Variants in HDAC1 observed in about 807,000 individuals in gnomAD.
HDAC1 encodes the protein protein deacetylase HDAC1.
HDAC1 carries 18 observed loss-of-function variants against 65.5 expected under a neutral mutation model. The observed-to-expected ratio is 0.27, with a 90% CI of 0.19 to 0.41. HDAC1 has a LOEUF of 0.41. HDAC1 is among the 10% of genes least tolerant of loss of function. The pLI, the probability that HDAC1 is intolerant of heterozygous loss-of-function variation, is 1.00. For missense variants in HDAC1, 373 were observed against 625.2 expected, an observed-to-expected ratio of 0.60 and a Z score of 4.30; for synonymous variants, 211 against 227.9, an observed-to-expected ratio of 0.93 and a Z score of 0.67.
chr1:32,311,177 T>G (rs1570016276), intron 2 of HDAC1, among the ~76,000 whole-genome samples: 1 of 152,034 alleles, frequency 6.6e-6, no homozygotes, highest in East Asian at 1.9e-4. Flanking sequence ...TCAAAGATGA[T>G]TCTTGCCTGG....
chr1:32,299,525 C>T (rs1640816613), intron 1 of HDAC1, among the ~76,000 whole-genome samples: 1 of 152,194 alleles, frequency 6.6e-6, no homozygotes, highest in Admixed American at 6.5e-5. Flanking sequence ...TATCTTAGTC[C>T]CCCAGGTCTG....
chr1:32,320,369 G>C (rs911063800), intron 3 of HDAC1, among the ~76,000 whole-genome samples: 9 of 152,138 alleles, frequency 5.9e-5, no homozygotes. Context: ...TGAGAGCCTT[G>C]ACCAGAAGTT....
Position 32,297,624 on chromosome 1 carries a change from C to CG in HDAC1, c.50-4990dup, listed in dbSNP as rs577975933. 3.8e-4 allele frequency among the ~76,000 whole-genome samples: 57 copies of CG among 151,632 alleles called. No individual in the cohort carries two copies. In the East Asian group the frequency reaches 7.9e-3, roughly 21 times the overall value. ...ATAAGGGAATAGACTTCTTTTTTTG[C>CG]GGGGGGGACGGAGTCTTGCTCTGTC... On this transcript the variant is annotated intron_variant, in intron 1 of 13. Coordinates refer to ENST00000373548, the MANE Select transcript of HDAC1 (RefSeq NM_004964.3).
At chr1:32,319,239 TAAA>T (rs928752353) in intron 3 of HDAC1, among the ~76,000 whole-genome samples, 1 of 152,018 alleles carries the variant, frequency 6.6e-6, no homozygotes, top group Admixed American at 6.6e-5. Flanking sequence ...ACCTGGTCTC[TAAA>T]AAAAATTTTT....
intron 2 of HDAC1, among the ~76,000 whole-genome samples, chr1:32,316,251 T>A (rs935951300): frequency 3.3e-5 from 5 of 149,480 alleles, no homozygotes; most frequent in Non-Finnish European, 7.4e-5. Context: ...GCCACTGCAC[T>A]CTAGCCTGGG....
At chr1:32,322,801 G>A (rs969422986) in intron 3 of HDAC1, among the ~76,000 whole-genome samples, 2 of 152,254 alleles carry the variant, frequency 1.3e-5, no homozygotes, top group Admixed American at 6.5e-5. Flanking sequence ...CGGGAGTCAA[G>A]ACACCGGGAC....
chr1:32,321,606 T>C (rs935475626), intron 3 of HDAC1, among the ~76,000 whole-genome samples: 1 of 152,146 alleles, frequency 6.6e-6, no homozygotes, highest in South Asian at 2.1e-4. Context: ...CCTCACAGAT[T>C]AGCTCACATG....
intron 3 of HDAC1, among the ~76,000 whole-genome samples, chr1:32,318,287 C>T (rs111547314): frequency 0.049 from 7,410 of 152,246 alleles, 581 homozygotes; most frequent in African/African-American, 0.17. Context: ...ACAGGCACAG[C>T]GGTTCATGCC....
intron 1 of HDAC1, among the ~76,000 whole-genome samples, chr1:32,297,736 G>T (rs958268803): frequency 6.7e-6 from 1 of 148,654 alleles, no homozygotes; most frequent in Admixed American, 6.7e-5. Context: ...TCAGCCTCCC[G>T]AGGAGCTGGG....
chr1:32,306,968 G>A (rs554160792), intron 2 of HDAC1, among the ~76,000 whole-genome samples: 3 of 152,158 alleles, frequency 2.0e-5, no homozygotes, highest in East Asian at 1.9e-4. Flanking sequence ...ATTCCTGGCC[G>A]GGCGTGGTGG....
At chr1:32,316,937 C>A (rs1257999876) in intron 3 of HDAC1, among the ~76,000 whole-genome samples, 155 bp downstream of exon 3, 1 of 152,136 alleles carries the variant, frequency 6.6e-6, no homozygotes, top group South Asian at 2.1e-4. Context: ...CCCCTCAAGT[C>A]GGATTTTTCA....
intron 2 of HDAC1, among the ~76,000 whole-genome samples, chr1:32,311,232 C>T (rs1468119533): frequency 6.6e-6 from 1 of 152,126 alleles, no homozygotes; most frequent in Non-Finnish European, 1.5e-5. Context: ...CTTTGGGAAG[C>T]CAAGGCCAGC....
chr1:32,301,218 G>A (rs537031950), intron 1 of HDAC1, among the ~76,000 whole-genome samples: 30 of 151,880 alleles, frequency 2.0e-4, no homozygotes, highest in Middle Eastern at 3.4e-3. Context: ...AGGCCGAGGC[G>A]GGCAGATCAC....
intron 1 of HDAC1, among the ~76,000 whole-genome samples, chr1:32,296,586 C>A (rs932330668): frequency 6.6e-6 from 1 of 152,084 alleles, no homozygotes; most frequent in African/African-American, 2.4e-5. Context: ...GCCATGTTGC[C>A]CAGGCTGGTC....
chr1:32,331,018 A>G lies in HDAC1; in HGVS notation c.979+110A>G. The G allele has an allele frequency of 3.2e-6, 3 of 930,288 alleles. No individual in the cohort carries two copies. Among genetic ancestry groups the G allele is most frequent in the Non-Finnish European group, 5.1e-6 (3 of 592,990 alleles). 57.6% of individuals were successfully genotyped at this position (930,288 alleles called of 1,614,324 possible). A position where few individuals can be genotyped will look rare whatever the true frequency, so the allele number is the denominator to read the frequency against. On this transcript the variant is annotated intron_variant, in intron 9 of 13. Coordinates refer to ENST00000373548, the MANE Select transcript of HDAC1 (RefSeq NM_004964.3). The surrounding 1 kb of genome is among the most constrained non-coding windows in gnomAD (Gnocchi z 4.2). ...GTCATATGACCGCTCCTCTTCTGAT[A>G]CTAGTCACTGAGTCTCCTGCCTGTC...
Position 32,327,294 on chromosome 1 carries a change from A to G in HDAC1, c.494+217A>G, listed in dbSNP as rs1641232197. 1.6e-6 allele frequency: 1 copy of G among 618,626 alleles called. No individual in the cohort carries two copies. The highest frequency in any genetic ancestry group is 2.8e-6 in the Non-Finnish European group (1 of 351,798). The allele number at this position is 618,626 out of a possible 1,614,324, so 38.3% of individuals were successfully genotyped here. A position where few individuals can be genotyped will look rare whatever the true frequency, so the allele number is the denominator to read the frequency against. ...CAGATGCTGCTCAGATCCTGCCTCC[A>G]GAGTGTCCCTGTGTGGCTGGAGTTG... On this transcript the variant is annotated intron_variant, in intron 5 of 13. Coordinates refer to ENST00000373548, the MANE Select transcript of HDAC1 (RefSeq NM_004964.3). This position sits in a 1 kb window ranked among gnomAD's most constrained non-coding sequence, Gnocchi z 6.0.
intron 3 of HDAC1, among the ~76,000 whole-genome samples, chr1:32,319,939 A>G (rs914698076): frequency 1.1e-4 from 17 of 151,718 alleles, no homozygotes; most frequent in East Asian, 5.8e-4. Context: ...ACACATGGCC[A>G]GGCGTGGTGG....
At chr1:32,313,475 G>A (rs1002591706) in intron 2 of HDAC1, among the ~76,000 whole-genome samples, 1 of 152,134 alleles carries the variant, frequency 6.6e-6, no homozygotes, top group Non-Finnish European at 1.5e-5. Flanking sequence ...AGGCTCAAGC[G>A]ATCCTCCAGG....
intron 1 of HDAC1, among the ~76,000 whole-genome samples, chr1:32,301,719 G>A (rs1640851265): frequency 6.6e-6 from 1 of 152,152 alleles, no homozygotes; most frequent in South Asian, 2.1e-4. Context: ...GCAGTGAGCT[G>A]AGATTGCACC....
Sources: allele counts gnomAD v4.1 joint callset (sites outside exome capture counted in the v4.1 genomes callset), GRCh38; gene constraint gnomAD v4.1.1; non-coding constraint Gnocchi (gnomAD v3.1); transcripts MANE v1.5; gene names NCBI Gene and HGNC (gene_info 2026-07-23, HGNC 2026-07-21).